Variants in GALNTL6 observed in about 807,000 individuals in gnomAD.
The protein encoded by GALNTL6 is polypeptide N-acetylgalactosaminyltransferase like 6.
In GALNTL6, 46 loss-of-function variants were observed where a neutral mutation model predicts 73.7. That is an observed-to-expected ratio of 0.62 (90% CI 0.49 to 0.80). The LOEUF is 0.80. GALNTL6 is among the 30% of genes least tolerant of loss of function. The pLI is 0.00. For missense variants in GALNTL6, 604 were observed against 755.0 expected, an observed-to-expected ratio of 0.80 and a Z score of 2.34; for synonymous variants, 259 against 263.7, an observed-to-expected ratio of 0.98 and a Z score of 0.17.
intron 3 of GALNTL6, among the ~76,000 whole-genome samples, chr4:172,240,229 T>TTTG (rs924516109): frequency 6.6e-6 from 1 of 151,930 alleles, no homozygotes; most frequent in Admixed American, 6.6e-5. Context: ...TGTTTGTTTG[T>TTTG]TTGTTTGTTT....
At chr4:172,807,025 C>T (rs796144399) in intron 5 of GALNTL6, among the ~76,000 whole-genome samples, 16 of 152,332 alleles carry the variant, frequency 1.1e-4, no homozygotes, top group African/African-American at 3.8e-4. Context: ...TCACTCATCG[C>T]TTAGTCATTG....
chr4:172,461,777 A>T (rs985726481), intron 5 of GALNTL6, among the ~76,000 whole-genome samples: 3 of 152,216 alleles, frequency 2.0e-5, no homozygotes, highest in Non-Finnish European at 2.9e-5. Context: ...TTCAAAGATC[A>T]AAGAGTGGAA....
chr4:172,124,951 G>C (rs1029726714), intron 2 of GALNTL6, among the ~76,000 whole-genome samples: 4 of 152,108 alleles, frequency 2.6e-5, no homozygotes, highest in Admixed American at 2.6e-4. Flanking sequence ...ATTTATGCTT[G>C]AGGAAAACTT....
chr4:172,009,150 T>C (rs986195269), intron 2 of GALNTL6, among the ~76,000 whole-genome samples: 2 of 152,130 alleles, frequency 1.3e-5, no homozygotes, highest in African/African-American at 2.4e-5. Flanking sequence ...CCTATTTCTC[T>C]TTAATTTTCA....
intron 10 of GALNTL6, among the ~76,000 whole-genome samples, chr4:173,007,692 G>C (rs2126489604): frequency 6.6e-6 from 1 of 152,254 alleles, no homozygotes; most frequent in East Asian, 1.9e-4. Context: ...TGTAATCCCA[G>C]CTATTCAGGA....
At chr4:172,796,539 T>A (rs891599681) in intron 5 of GALNTL6, among the ~76,000 whole-genome samples, 1 of 152,252 alleles carries the variant, frequency 6.6e-6, no homozygotes, top group Non-Finnish European at 1.5e-5. Flanking sequence ...CTGCTTATGC[T>A]GTTGGTTCTT....
intron 2 of GALNTL6, among the ~76,000 whole-genome samples, chr4:171,850,596 C>T (rs1049038159): frequency 1.3e-5 from 2 of 152,106 alleles, no homozygotes; most frequent in Non-Finnish European, 2.9e-5. Context: ...GTGACTTTAC[C>T]CTTGCCAGCA....
intron 5 of GALNTL6, among the ~76,000 whole-genome samples, chr4:172,707,017 T>C (rs1222336602): frequency 6.6e-6 from 1 of 152,110 alleles, no homozygotes; most frequent in Non-Finnish European, 1.5e-5. Context: ...GAACCCATGA[T>C]GGTGGGGAAA....
intron 4 of GALNTL6, among the ~76,000 whole-genome samples, chr4:172,338,054 G>A (rs1321533819): frequency 3.3e-5 from 5 of 152,048 alleles, no homozygotes; most frequent in East Asian, 3.9e-4. Flanking sequence ...ACTGTTTGGC[G>A]TAGGCTACTG....
intron 2 of GALNTL6, among the ~76,000 whole-genome samples, chr4:171,956,107 A>G (rs1231734221): frequency 2.7e-5 from 4 of 146,204 alleles, no homozygotes; most frequent in Non-Finnish European, 3.0e-5. Context: ...GGCTCAAGTG[A>G]TCCTCCCGCC....
chr4:171,991,730 G>GTGTA (rs1335580823), intron 2 of GALNTL6, among the ~76,000 whole-genome samples: 2 of 98,182 alleles, frequency 2.0e-5, no homozygotes, highest in Non-Finnish European at 3.9e-5. Context: ...GTGTGTGTGT[G>GTGTA]TATATATATA....
chr4:172,380,139 G>A, intron 5 of GALNTL6: 1 of 1,042,182 alleles, frequency 9.6e-7, no homozygotes, highest in Non-Finnish European at 1.5e-6. Flanking sequence ...GGATCATCTG[G>A]ATTTGGAGCA....
At chr4:172,709,119 C>T (rs1008496415) in intron 5 of GALNTL6, among the ~76,000 whole-genome samples, 3 of 152,176 alleles carry the variant, frequency 2.0e-5, no homozygotes, top group Admixed American at 1.3e-4. Flanking sequence ...GCACCCTACT[C>T]AAAAGAGTTG....
chr4:172,458,609 T>C (rs534636161), intron 5 of GALNTL6, among the ~76,000 whole-genome samples: 80 of 152,234 alleles, frequency 5.3e-4, no homozygotes, highest in South Asian at 3.1e-3. Flanking sequence ...GCAAATAAAC[T>C]AGAAAATCTA....
intron 2 of GALNTL6, among the ~76,000 whole-genome samples, chr4:172,041,189 A>G (rs1203952682): frequency 2.0e-5 from 3 of 152,066 alleles, no homozygotes; most frequent in Non-Finnish European, 4.4e-5. Flanking sequence ...ATTGATCCCT[A>G]TGAATCAGAA....
intron 5 of GALNTL6, among the ~76,000 whole-genome samples, chr4:172,641,271 G>T (rs1739962369): frequency 6.6e-6 from 1 of 152,036 alleles, no homozygotes; most frequent in East Asian, 1.9e-4. Flanking sequence ...ACATAAGTCA[G>T]ACTATATTAC....
Position 172,962,756 on chromosome 4 carries a change from C to T in GALNTL6, c.1371+10498C>T, listed in dbSNP as rs149182423. The stretch of plus-strand genomic sequence containing the variant: ...CAGCCTGATTCTGGGTAAACAATGA[C>T]GTGCTTAGGCAATTTTTGGCTCTGG... On this transcript the variant is annotated intron_variant, in intron 10 of 12. Transcript: ENST00000506823. Among the ~76,000 whole-genome samples the T allele has an allele frequency of 1.4e-3, 214 of 152,002 alleles. 1 individual carries two copies. Among genetic ancestry groups the T allele is most frequent in the Middle Eastern group, 0.01 (3 of 294 alleles).
chr4:172,321,644 A>G (rs1464707004), intron 4 of GALNTL6, among the ~76,000 whole-genome samples: 1 of 152,192 alleles, frequency 6.6e-6, no homozygotes, highest in African/African-American at 2.4e-5. Flanking sequence ...AGACCATATA[A>G]AACTTCTAGA....
intron 7 of GALNTL6, among the ~76,000 whole-genome samples, chr4:172,855,085 T>G (rs917841952): frequency 1.3e-5 from 2 of 151,496 alleles, no homozygotes; most frequent in African/African-American, 4.9e-5. Context: ...TCATCTAAGT[T>G]CAAGCAAAGC....
Sources: allele counts gnomAD v4.1 joint callset (sites outside exome capture counted in the v4.1 genomes callset), GRCh38; gene constraint gnomAD v4.1.1; transcripts MANE v1.5; gene names NCBI Gene and HGNC (gene_info 2026-07-23, HGNC 2026-07-21).